FOXP1: variants seen among roughly 807,000 people sequenced by gnomAD.
FOXP1 encodes forkhead box P1, also known as forkhead box protein P1.
In FOXP1, 15 loss-of-function variants were observed where a neutral mutation model predicts 98.2. The observed-to-expected ratio is 0.15, with a 90% CI of 0.10 to 0.24. FOXP1 has a LOEUF of 0.24. Among genes scored for constraint, FOXP1 ranks in the 10% least tolerant of loss-of-function variants. The probability of loss-of-function intolerance (pLI) is 1.00; values close to 1 mark genes in which losing one functional copy is unlikely to be tolerated. For missense variants in FOXP1, 633 were observed against 848.5 expected (o/e 0.75, Z 3.15); for synonymous variants, 371 against 314.5 (o/e 1.18, Z -1.90).
chr3:71,308,335 C>T (rs1266122765), intron 4 of FOXP1, among the ~76,000 whole-genome samples: 1 of 152,066 alleles, frequency 6.6e-6, no homozygotes, highest in Admixed American at 6.5e-5. Flanking sequence ...GATGATGAAA[C>T]GCGAGAGCTA....
intron 1 of FOXP1, chr3:71,582,120 G>C (rs1026095025): frequency 1.1e-5 from 11 of 983,126 alleles, no homozygotes; most frequent in African/African-American, 3.5e-5. Flanking sequence ...CACATGGGAG[G>C]GGGGCATGCG....
chr3:71,573,680 C>T lies in FOXP1; in HGVS notation c.-298+7869G>A, dbSNP rs139252963. The T allele has an allele frequency of 2.7e-4, 41 of 152,194 alleles. 1 individual carries two copies. Among genetic ancestry groups the T allele is most frequent in the African/African-American group, 9.6e-4 (40 of 41,536 alleles). 9.4% of individuals were successfully genotyped at this position (152,194 alleles called of 1,614,324 possible). On this transcript the variant is annotated intron_variant, in intron 2 of 20. Coordinates refer to ENST00000649528, the MANE Select transcript of FOXP1 (RefSeq NM_001349338.3). ...CCATAAAAGAAAACTGGGGACTGAA[C>T]GATTTTCTATTCTAATAGACCATTT...
chr3:71,129,175 C>T (rs556668162), intron 6 of FOXP1, among the ~76,000 whole-genome samples: 1 of 152,238 alleles, frequency 6.6e-6, no homozygotes, highest in South Asian at 2.1e-4. Flanking sequence ...TCGGCCCCCA[C>T]ACCTACACTA....
chr3:71,520,158 T>C (rs1367492705), intron 2 of FOXP1, among the ~76,000 whole-genome samples: 2 of 152,228 alleles, frequency 1.3e-5, no homozygotes, highest in Admixed American at 6.5e-5. Flanking sequence ...TTCATCTTAT[T>C]ATGAGTGTCT....
At chr3:71,316,858 A>G (rs1177993517) in intron 4 of FOXP1, among the ~76,000 whole-genome samples, 2 of 151,978 alleles carry the variant, frequency 1.3e-5, no homozygotes, top group Non-Finnish European at 2.9e-5. Flanking sequence ...GGGTTTTACC[A>G]TGTTAACCAG....
chr3:71,391,802 T>C (rs967671055), intron 3 of FOXP1, among the ~76,000 whole-genome samples: 3 of 152,220 alleles, frequency 2.0e-5, no homozygotes, highest in Non-Finnish European at 4.4e-5. Flanking sequence ...GCAATCTATA[T>C]CTGTGAGAAC....
At chr3:71,411,278 C>CGTGTGTGTGTGTGT (rs58267668) in intron 3 of FOXP1, among the ~76,000 whole-genome samples, 1 of 141,684 alleles carries the variant, frequency 7.1e-6, no homozygotes, top group Admixed American at 7.0e-5. Flanking sequence ...GCTGAATGGG[C>CGTGTGTGTGTGTGT]GTGTGTGTGT....
At chr3:71,457,903 C>A (rs928521780) in intron 3 of FOXP1, among the ~76,000 whole-genome samples, 3 of 152,170 alleles carry the variant, frequency 2.0e-5, no homozygotes, top group African/African-American at 7.2e-5. Context: ...CATGGGGGCA[C>A]AGGACAGGGA....
chr3:71,126,944 G>C (rs542484187), intron 6 of FOXP1, among the ~76,000 whole-genome samples: 1 of 151,010 alleles, frequency 6.6e-6, no homozygotes, highest in East Asian at 1.9e-4. Context: ...GCAAAAACTG[G>C]AATCATTTTG....
In FOXP1 at chr3:71,437,727, A is replaced by G. The variant is rs534318362; in HGVS notation, c.-168+55699T>C. On this transcript the variant is annotated intron_variant, in intron 3 of 20. Coordinates refer to ENST00000649528, the MANE Select transcript of FOXP1 (RefSeq NM_001349338.3). ...GAACTTCCGAGTCTGTGATCATCAT[A>G]ATGCCTTTGGGAATAAAAAGAAACC... is the stretch of plus-strand genomic sequence containing the variant. 3.2e-3 allele frequency among the ~76,000 whole-genome samples: 481 copies of G among 152,298 alleles called. 2 individuals carry two copies. Among genetic ancestry groups the G allele is most frequent in the Non-Finnish European group, 5.1e-3 (349 of 68,018 alleles).
intron 2 of FOXP1, among the ~76,000 whole-genome samples, chr3:71,529,390 T>C (rs921295041): frequency 2.0e-5 from 3 of 152,188 alleles, no homozygotes; most frequent in African/African-American, 7.2e-5. Flanking sequence ...AAATAAATAT[T>C]TGGTCTCTGC....
intron 6 of FOXP1, among the ~76,000 whole-genome samples, chr3:71,165,123 T>G (rs1041914921): frequency 6.6e-6 from 1 of 151,266 alleles, no homozygotes; most frequent in Non-Finnish European, 1.5e-5. Context: ...AACAAAAATA[T>G]CCAATAAAAC....
At chr3:71,423,065 C>A (rs1325387939) in intron 3 of FOXP1, among the ~76,000 whole-genome samples, 1 of 152,216 alleles carries the variant, frequency 6.6e-6, no homozygotes, top group Non-Finnish European at 1.5e-5. Context: ...AACTCTCCAG[C>A]TGCTACAGGC....
chr3:70,994,091 G>A (rs1394733055), intron 13 of FOXP1, among the ~76,000 whole-genome samples: 1 of 151,930 alleles, frequency 6.6e-6, no homozygotes, highest in Non-Finnish European at 1.5e-5. Context: ...TACTCACAGA[G>A]GGACTGTGGG....
At chr3:71,323,950 A>G (rs1008154887) in intron 4 of FOXP1, among the ~76,000 whole-genome samples, 4 of 152,146 alleles carry the variant, frequency 2.6e-5, no homozygotes, top group East Asian at 3.9e-4. Context: ...CTGGGCTTCA[A>G]TTTCCTAATT....
Position 70,958,737 on chromosome 3 carries a change from CAAAAAAAAAAA to C in FOXP1, c.*499_*509del, listed in dbSNP as rs10633687. 5.0e-4 allele frequency: 12 copies of C among 24,014 alleles called. No homozygotes were observed. Among genetic ancestry groups the C allele is most frequent in the Middle Eastern group, 0.026 (1 of 38 alleles). 1.5% of individuals were successfully genotyped at this position (24,014 alleles called of 1,614,324 possible). On this transcript the variant is annotated 3_prime_UTR_variant, in exon 21 of 21. Transcript: ENST00000649528. ...AGGCCTTCCCCATCCCAACTGGAAG[CAAAAAAAAAAA>C]AAAAAAAAAAAAAAAAAAAGGAGTA...
At chr3:71,172,325 C>T (rs1329990562) in intron 6 of FOXP1, among the ~76,000 whole-genome samples, 1 of 152,080 alleles carries the variant, frequency 6.6e-6, no homozygotes, top group Non-Finnish European at 1.5e-5. Context: ...AACAGAAATC[C>T]CAAGGAACTA....
chr3:71,214,786 C>G (rs959210704), intron 5 of FOXP1, among the ~76,000 whole-genome samples: 1 of 152,136 alleles, frequency 6.6e-6, no homozygotes, highest in Non-Finnish European at 1.5e-5. Flanking sequence ...CTAGGCACAA[C>G]CAATTGATGA....
chr3:71,401,871 G>A (rs1412229599), intron 3 of FOXP1, among the ~76,000 whole-genome samples: 1 of 152,194 alleles, frequency 6.6e-6, no homozygotes, highest in Non-Finnish European at 1.5e-5. Context: ...CGGGGCCCAG[G>A]CAGCCGTTAC....
Sources: gnomAD v4.1 joint callset for allele counts (sites outside exome capture counted in the v4.1 genomes callset) on GRCh38, gnomAD v4.1.1 for gene constraint, MANE v1.5 for transcripts, NCBI Gene and HGNC (gene_info 2026-07-23, HGNC 2026-07-21) for gene names.